PXDNL: variants seen among roughly 807,000 people sequenced by gnomAD.
PXDNL encodes the protein probable oxidoreductase PXDNL.
A neutral mutation model predicts 150.8 loss-of-function variants in PXDNL; 145 were observed. That is an observed-to-expected ratio of 0.96 (90% CI 0.84 to 1.10). PXDNL has a LOEUF of 1.10. Ranked by LOEUF, PXDNL falls within the 50% of genes least tolerant of loss-of-function variation. PXDNL has a pLI of 0.00. For missense variants in PXDNL, 2,087 were observed against 1,873.9 expected (o/e 1.11, Z -2.10); for synonymous variants, 757 against 725.7 (o/e 1.04, Z -0.69).
chr8:51,342,984 T>C (rs912777156), intron 20 of PXDNL, among the ~76,000 whole-genome samples: 8 of 151,812 alleles, frequency 5.3e-5, no homozygotes, highest in Non-Finnish European at 1.2e-4. Flanking sequence ...GTTTACATTT[T>C]AGACAATTTG....
intron 4 of PXDNL, among the ~76,000 whole-genome samples, chr8:51,546,201 A>G (rs1812358886): frequency 6.6e-6 from 1 of 152,198 alleles, no homozygotes; most frequent in African/African-American, 2.4e-5. Flanking sequence ...TTAGAGGGGG[A>G]AAATTCAGCC....
At chr8:51,768,999 G>A (rs1375897595) in intron 1 of PXDNL, among the ~76,000 whole-genome samples, 1 of 152,206 alleles carries the variant, frequency 6.6e-6, no homozygotes, top group Non-Finnish European at 1.5e-5. Context: ...CTACTCAGGA[G>A]GCTGAGGCAG....
chr8:51,473,225 A>C (rs1227057540), intron 7 of PXDNL, among the ~76,000 whole-genome samples: 2 of 150,822 alleles, frequency 1.3e-5, no homozygotes, highest in Non-Finnish European at 1.5e-5. Context: ...AAAATAGACA[A>C]GGTCTCTGTA....
At chr8:51,808,501 C>A (rs540673164) in intron 1 of PXDNL, among the ~76,000 whole-genome samples, 1 of 152,108 alleles carries the variant, frequency 6.6e-6, no homozygotes, top group African/African-American at 2.4e-5. Flanking sequence ...GGTTTATTAT[C>A]TGAATATTAA....
At chr8:51,716,607 T>G (rs190121304) in intron 1 of PXDNL, among the ~76,000 whole-genome samples, 176 of 152,346 alleles carry the variant, frequency 1.2e-3, no homozygotes, top group African/African-American at 4.0e-3. Flanking sequence ...AGGATAATAG[T>G]GTAAGAGCTC....
chr8:51,644,356 A>T (rs1814860909), intron 2 of PXDNL, among the ~76,000 whole-genome samples: 1 of 95,888 alleles, frequency 1.0e-5, no homozygotes, highest in Non-Finnish European at 2.4e-5. Context: ...ACACACACAC[A>T]CACACACATA....
intron 4 of PXDNL, among the ~76,000 whole-genome samples, chr8:51,551,935 G>C (rs572220147): frequency 6.6e-6 from 1 of 152,226 alleles, no homozygotes; most frequent in East Asian, 1.9e-4. Context: ...GCTGACAAAG[G>C]ACTAACATCC....
intron 19 of PXDNL, among the ~76,000 whole-genome samples, chr8:51,349,540 A>G (rs1439569345): frequency 6.6e-6 from 1 of 152,248 alleles, no homozygotes; most frequent in Non-Finnish European, 1.5e-5. Flanking sequence ...TGAGAAGAGC[A>G]GAAGAGAAGG....
chr8:51,807,602 G>T (rs1179812333), intron 1 of PXDNL, among the ~76,000 whole-genome samples: 1 of 152,110 alleles, frequency 6.6e-6, no homozygotes, highest in Non-Finnish European at 1.5e-5. Flanking sequence ...TGTAAGTGGT[G>T]GCACCAGACT....
rs766283165 is a variant in PXDNL, at chr8:51,371,892, C to G, written c.3882G>C (p.Val1294=). 52 of 1,613,864 alleles carry G rather than the reference C, an allele frequency of 3.2e-5. No homozygotes were observed. The highest frequency in any genetic ancestry group is 3.1e-5 in the Non-Finnish European group (37 of 1,179,816). The change falls in exon 19 of 23, where the codon GTG becomes GTC. Residue 1294 remains valine, a synonymous_variant. Transcript: ENST00000356297. ...CSEIPKVDLR[V]WQDCCADCRS... ...ACTGACCTGCACAGCAGTCTTGCCA[C>G]ACTCGCAGGTCCACCTTCGGGATCT... is the stretch of plus-strand genomic sequence containing the variant.
chr8:51,583,553 A>G (rs4873198), intron 3 of PXDNL, among the ~76,000 whole-genome samples: 72,784 of 152,020 alleles, frequency 0.48, 21,876 homozygotes, highest in African/African-American at 0.86. Flanking sequence ...CATAGGACAT[A>G]GTAACTTACT....
chr8:51,443,497 C>T (rs1164779125), intron 12 of PXDNL, among the ~76,000 whole-genome samples: 5 of 152,136 alleles, frequency 3.3e-5, no homozygotes, highest in Non-Finnish European at 7.4e-5. Flanking sequence ...AAATTATTGA[C>T]AAGCACTAAG....
At chr8:51,733,832 T>A (rs1403532032) in intron 1 of PXDNL, among the ~76,000 whole-genome samples, 4 of 122,998 alleles carry the variant, frequency 3.3e-5, no homozygotes, top group Admixed American at 8.3e-5. Context: ...TATATATATA[T>A]AATTTATATA....
At chr8:51,661,686 C>T (rs941616440) in intron 1 of PXDNL, among the ~76,000 whole-genome samples, 3 of 152,158 alleles carry the variant, frequency 2.0e-5, no homozygotes, top group Non-Finnish European at 2.9e-5. Flanking sequence ...TCCTTATACA[C>T]ACGCACATCG....
chr8:51,325,906 G>C (rs1805469686), intron 21 of PXDNL, among the ~76,000 whole-genome samples: 1 of 152,230 alleles, frequency 6.6e-6, no homozygotes, highest in South Asian at 2.1e-4. Context: ...GTTTGGCTGG[G>C]GTAGAGTGGT....
At position 51,408,750 on chromosome 8, in the gene PXDNL, G is replaced by T; in HGVS notation, c.2874C>A (p.Asp958Glu). ...EQESPCFLAG[D>E]HRANEHLALA... The stretch of plus-strand genomic sequence containing the variant: ...GAGCCAGATGCTCGTTGGCCCGGTG[G>T]TCCCCGGCCAGGAAACAGGGGCTCT... The change falls in exon 17 of 23, where the codon GAC becomes GAA. Residue 958 changes from aspartate to glutamate, a missense_variant. Asp to Glu is a conservative substitution (Grantham distance 45). Coordinates refer to ENST00000356297, the MANE Select transcript of PXDNL (RefSeq NM_144651.5). 6.3e-7 allele frequency: 1 copy of T among 1,585,206 alleles called. No homozygotes were observed.
intron 1 of PXDNL, among the ~76,000 whole-genome samples, chr8:51,737,533 C>T (rs1239244361): frequency 6.6e-6 from 1 of 152,204 alleles, no homozygotes; most frequent in Non-Finnish European, 1.5e-5. Flanking sequence ...CAAGCACTCC[C>T]CTTTCTCCTC....
chr8:51,588,492 G>A (rs1335180096), intron 3 of PXDNL, among the ~76,000 whole-genome samples: 2 of 152,288 alleles, frequency 1.3e-5, no homozygotes, highest in East Asian at 1.9e-4. Context: ...ATTAGAAGTT[G>A]TGTGAAATGA....
chr8:51,393,052 T>C (rs1434830405), intron 17 of PXDNL, among the ~76,000 whole-genome samples: 3 of 152,236 alleles, frequency 2.0e-5, no homozygotes, highest in Admixed American at 6.5e-5. Flanking sequence ...GCCAGTCTCC[T>C]GTGTTTTCAT....
Sources: gnomAD v4.1 joint callset for allele counts (sites outside exome capture counted in the v4.1 genomes callset) on GRCh38, gnomAD v4.1.1 for gene constraint, MANE v1.5 for transcripts, NCBI Gene and HGNC (gene_info 2026-07-23, HGNC 2026-07-21) for gene names.